Variants in NT5C2 observed in about 807,000 individuals in gnomAD.
NT5C2 encodes 5'-nucleotidase, cytosolic II, also known as cytosolic purine 5'-nucleotidase.
Under a neutral mutation model 76.1 loss-of-function variants are expected in NT5C2, and 58 were observed. The ratio of observed to expected loss-of-function variants is 0.76; its 90% confidence interval spans 0.62 to 0.95. The LOEUF (loss-of-function observed/expected upper bound fraction) is 0.95. Ranked by LOEUF, NT5C2 falls within the 40% of genes least tolerant of loss-of-function variation. The pLI is 0.00. For synonymous variants in NT5C2, 229 were observed against 237.4 expected (o/e 0.96, Z 0.32); for missense variants, 478 against 690.3 (o/e 0.69, Z 3.45).
intron 14 of NT5C2, 115 bp downstream of exon 14, chr10:103,093,857 T>C (rs2067507821): frequency 1.3e-6 from 1 of 760,244 alleles, no homozygotes. Context: ...TTACCTTCAG[T>C]AGATGACATC....
intron 4 of NT5C2, among the ~76,000 whole-genome samples, chr10:103,130,593 A>AG (rs1267177889): frequency 6.7e-6 from 1 of 150,364 alleles, no homozygotes; most frequent in Admixed American, 6.6e-5. Context: ...TAAAAAAAAA[A>AG]AAAAGAAAAA....
chr10:103,178,833 C>CA (rs551425186), intron 2 of NT5C2, among the ~76,000 whole-genome samples: 12,506 of 96,652 alleles, frequency 0.13, 879 homozygotes, highest in East Asian at 0.41. Flanking sequence ...AAGACTGTCT[C>CA]AAAAAAAAAA....
rs75580295 is a variant in NT5C2 at position 103,188,963 on chromosome 10, G to C, written c.-169+4273C>G. Among the ~76,000 whole-genome samples the C allele has an allele frequency of 9.3e-3, 1,407 of 151,830 alleles. 11 individuals carry two copies. Among genetic ancestry groups the C allele is most frequent in the Non-Finnish European group, 0.017 (1,127 of 67,958 alleles). ...GGAGGTAGAGGTTGCAGTGAGCTGAGATCGAGCCAGCCTGGGCAACAAAGT... is the reference window on the plus strand; with the variant it reads ...GGAGGTAGAGGTTGCAGTGAGCTGACATCGAGCCAGCCTGGGCAACAAAGT... On this transcript the variant is annotated intron_variant, in intron 1 of 18. Transcript: ENST00000404739.
At chr10:103,097,510 A>G in intron 10 of NT5C2, 136 bp from the exon 11 acceptor site, 1 of 669,574 alleles carries the variant, frequency 1.5e-6, no homozygotes, top group Non-Finnish European at 2.6e-6. Context: ...AGAATTTTGC[A>G]CTTAAAAGCC....
intron 4 of NT5C2, among the ~76,000 whole-genome samples, chr10:103,129,622 T>TG (rs1176026635): frequency 1.3e-3 from 36 of 28,006 alleles, no homozygotes; most frequent in East Asian, 5.0e-3. Flanking sequence ...GGGAGGGAGG[T>TG]GGGGGGGGGT....
intron 3 of NT5C2, among the ~76,000 whole-genome samples, chr10:103,167,118 C>T (rs936922101): frequency 5.3e-5 from 8 of 151,634 alleles, no homozygotes; most frequent in Non-Finnish European, 1.0e-4. Flanking sequence ...TGTATTCAAG[C>T]GATTCTCCTG....
chr10:103,176,469 T>G (rs901777757), intron 2 of NT5C2, among the ~76,000 whole-genome samples: 1 of 152,156 alleles, frequency 6.6e-6, no homozygotes, highest in Non-Finnish European at 1.5e-5. Context: ...GTGCTTATAC[T>G]CCCAAACATT....
rs188509539 is a variant in NT5C2 at position 103,172,494 on chromosome 10, G to A, written c.101+2364C>T. 6.0e-4 allele frequency among the ~76,000 whole-genome samples: 91 copies of A among 151,426 alleles called. 1 individual carries two copies. The East Asian group carries it at 0.015, about 25-fold the overall frequency. ...GATCTCCTGACCTTGTGATCCACCC[G>A]CCTCGGCCTCCCAAAGTGCTAGGAT... is the stretch of plus-strand genomic sequence containing the variant. On this transcript the variant is annotated intron_variant, in intron 3 of 18. Coordinates refer to ENST00000404739, the MANE Select transcript of NT5C2 (RefSeq NM_001351169.2).
chr10:103,094,397 C>T lies in NT5C2; in HGVS notation c.872G>A (p.Arg291Gln), dbSNP rs769548902. ...SYFDLILVDA[R>Q]KPLFFGEGTV... The stretch of plus-strand genomic sequence containing the variant: ...GCCTTCTCCAAAAAAGAGTGGTTTC[C>T]GTGCATCCACCAAGATCAAGTCAAA... Residue 291 changes from arginine to glutamine, a missense_variant, in exon 13 of 19, where the codon CGG becomes CAG. Physicochemically the swap from Arg to Gln is conservative, Grantham distance 43. Coordinates refer to ENST00000404739, the MANE Select transcript of NT5C2 (RefSeq NM_001351169.2). 3 of 1,613,670 alleles carry T rather than the reference C, an allele frequency of 1.9e-6. No individual in the cohort carries two copies. Among genetic ancestry groups the T allele is most frequent in the Non-Finnish European group, 2.5e-6 (3 of 1,179,730 alleles).
rs370777380 is a variant in NT5C2 at position 103,174,918 on chromosome 10, T to C, written c.41A>G (p.Asp14Gly). The C allele has an allele frequency of 9.3e-6, 15 of 1,612,774 alleles. No homozygotes were observed. The highest frequency in any genetic ancestry group is 1.1e-5 in the Non-Finnish European group (13 of 1,178,972). The stretch of plus-strand genomic sequence containing the variant: ...ATGCTTATCCATGTTAGCAGGCATA[T>C]CTGCTGCATTCTGTAACCGATCACT... ...SWSDRLQNAA[D>G]MPANMDKHAL... The change falls in exon 3 of 19, where the codon GAT becomes GGT. Residue 14 changes from aspartate (D) to glycine (G), a missense_variant. Asp to Gly is a moderately conservative substitution (Grantham distance 94, BLOSUM62 -1). Transcript: ENST00000404739.
chr10:103,184,836 T>C (rs1564658373), intron 1 of NT5C2, among the ~76,000 whole-genome samples: 1 of 152,284 alleles, frequency 6.6e-6, no homozygotes, highest in East Asian at 1.9e-4. Context: ...GAAGGAAAAA[T>C]AACAAAGTTG....
chr10:103,135,233 C>A (rs917057713), intron 4 of NT5C2, among the ~76,000 whole-genome samples: 1 of 152,166 alleles, frequency 6.6e-6, no homozygotes, highest in Admixed American at 6.5e-5. Flanking sequence ...TGTGTCCCCA[C>A]CCAAATCTCA....
Position 103,089,865 on chromosome 10 carries a change from T to C in NT5C2, c.1493A>G (p.Asn498Ser), listed in dbSNP as rs2066237773. The C allele has an allele frequency of 2.5e-6, 4 of 1,613,718 alleles. No homozygotes were observed. Among genetic ancestry groups the C allele is most frequent in the African/African-American group, 1.3e-5 (1 of 74,892 alleles). Residue 498 changes from asparagine to serine, a missense_variant, in exon 19 of 19, where the codon AAT becomes AGT. Coordinates refer to ENST00000404739, the MANE Select transcript of NT5C2 (RefSeq NM_001351169.2). ...STVEHTHVDI[N>S]EMESPLATRN... ...GGTGGCAAGAGGAGACTCCATCTCA[T>C]TGATATCTACGTGTGTGTGCTCCAC... is the stretch of plus-strand genomic sequence containing the variant.
chr10:103,133,138 G>A (rs2078544863), intron 4 of NT5C2, among the ~76,000 whole-genome samples: 1 of 152,092 alleles, frequency 6.6e-6, no homozygotes, highest in Non-Finnish European at 1.5e-5. Flanking sequence ...AAGATCTGAT[G>A]GTTTTAAAAA....
intron 4 of NT5C2, among the ~76,000 whole-genome samples, chr10:103,138,564 G>T (rs181973734): frequency 3.9e-5 from 6 of 152,278 alleles, no homozygotes; most frequent in Admixed American, 3.9e-4. Context: ...AGTCTGCTGA[G>T]AATGATGGCT....
intron 9 of NT5C2, among the ~76,000 whole-genome samples, chr10:103,099,409 A>G (rs1427674317): frequency 6.6e-6 from 1 of 152,226 alleles, no homozygotes; most frequent in Non-Finnish European, 1.5e-5. Context: ...CCAAAATGGA[A>G]AAGTGGACAA....
intron 6 of NT5C2, chr10:103,105,409 C>G (rs1345793609): frequency 1.1e-6 from 1 of 889,566 alleles, no homozygotes; most frequent in South Asian, 2.1e-5. Context: ...AAATAAAAAT[C>G]TTAGAATTTC....
rs1008673587 is a variant in NT5C2, at chr10:103,088,363, A to G, written c.*1309T>C. On this transcript the variant is annotated 3_prime_UTR_variant, in exon 19 of 19. Coordinates refer to ENST00000404739, the MANE Select transcript of NT5C2 (RefSeq NM_001351169.2). The stretch of plus-strand genomic sequence containing the variant: ...TAATGATTCATTCTTGTTTAAAACA[A>G]GAGGTGATTTCGACTTGGGATTGGG... The G allele has an allele frequency of 2.0e-5, 3 of 152,206 alleles. No homozygotes were observed. The highest frequency in any genetic ancestry group is 7.2e-5 in the African/African-American group (3 of 41,440). 9.4% of individuals were successfully genotyped at this position (152,206 alleles called of 1,614,324 possible).
chr10:103,134,003 A>G (rs888908025), intron 4 of NT5C2, among the ~76,000 whole-genome samples: 7 of 152,122 alleles, frequency 4.6e-5, no homozygotes, highest in African/African-American at 1.7e-4. Context: ...GATGGAAGAA[A>G]TTTCTAAGCA....
Sources: allele counts gnomAD v4.1 joint callset (sites outside exome capture counted in the v4.1 genomes callset), GRCh38; gene constraint gnomAD v4.1.1; transcripts MANE v1.5; gene names NCBI Gene and HGNC (gene_info 2026-07-23, HGNC 2026-07-21).